The following HDAC9 variants were observed in gnomAD, a reference collection of about 807,000 sequenced individuals.
HDAC9 encodes MEF-2 interacting transcription repressor (MITR) protein.
HDAC9 carries 41 observed loss-of-function variants against 139.4 expected under a neutral mutation model. That is an observed-to-expected ratio of 0.29 (90% CI 0.23 to 0.38). The LOEUF is 0.38. Ranked by LOEUF, HDAC9 falls within the 10% of genes least tolerant of loss-of-function variation. HDAC9 has a pLI of 1.00. For missense variants in HDAC9, 1,147 were observed against 1,297.0 expected, an observed-to-expected ratio of 0.88 and a Z score of 1.78; for synonymous variants, 517 against 476.2, an observed-to-expected ratio of 1.09 and a Z score of -1.12.
At chr7:18,511,033 G>T (rs949674543) in intron 2 of HDAC9, among the ~76,000 whole-genome samples, 2 of 152,176 alleles carry the variant, frequency 1.3e-5, no homozygotes, top group Admixed American at 6.5e-5. Flanking sequence ...TACAGCATAG[G>T]TGTTGAACAC....
intron 6 of HDAC9, among the ~76,000 whole-genome samples, chr7:18,615,175 T>C (rs1438587401): frequency 6.6e-6 from 1 of 152,198 alleles, no homozygotes; most frequent in African/African-American, 2.4e-5. Context: ...ACTGGAATTG[T>C]ATCTCATACT....
chr7:18,888,343 T>G (rs1213245770), intron 22 of HDAC9, among the ~76,000 whole-genome samples: 5 of 152,150 alleles, frequency 3.3e-5, no homozygotes, highest in South Asian at 2.1e-4. Context: ...GAAAATGGCG[T>G]GAACCCGGGA....
At chr7:18,168,529 T>G (rs760772676) in intron 2 of HDAC9, among the ~76,000 whole-genome samples, 24 of 152,188 alleles carry the variant, frequency 1.6e-4, no homozygotes, top group Non-Finnish European at 2.9e-4. Flanking sequence ...CTGTATAGAT[T>G]GGAGTTTACT....
At chr7:18,423,917 A>G (rs550700860) in intron 1 of HDAC9, among the ~76,000 whole-genome samples, 10 of 152,352 alleles carry the variant, frequency 6.6e-5, no homozygotes, top group African/African-American at 2.4e-4. Context: ...GTTCACATTT[A>G]TAAGGAGGGA....
At chr7:18,657,511 C>T (rs549573902) in intron 11 of HDAC9, among the ~76,000 whole-genome samples, 2 of 152,196 alleles carry the variant, frequency 1.3e-5, no homozygotes, top group East Asian at 3.9e-4. Flanking sequence ...TATACTGTCA[C>T]CTGAAGGATC....
chr7:18,129,384 G>C (rs1374781087), intron 1 of HDAC9, among the ~76,000 whole-genome samples: 5 of 152,030 alleles, frequency 3.3e-5, no homozygotes, highest in Non-Finnish European at 1.5e-5. Context: ...ATTGAGAGAG[G>C]ACCTTGTTTT....
chr7:18,682,244 CAA>C (rs1282230717), intron 12 of HDAC9, among the ~76,000 whole-genome samples: 4 of 152,094 alleles, frequency 2.6e-5, no homozygotes, highest in South Asian at 2.1e-4. Flanking sequence ...CAATCAATAA[CAA>C]AGAGAACATT....
intron 1 of HDAC9, among the ~76,000 whole-genome samples, chr7:18,357,564 T>G (rs1481092874): frequency 6.6e-6 from 1 of 151,304 alleles, no homozygotes; most frequent in Non-Finnish European, 1.5e-5. Flanking sequence ...AAACAAAAAA[T>G]AACAATACAT....
chr7:18,885,570 TCA>T (rs1800079986), intron 22 of HDAC9, among the ~76,000 whole-genome samples: 1 of 152,196 alleles, frequency 6.6e-6, no homozygotes, highest in Admixed American at 6.5e-5. Flanking sequence ...TATGCTTAAG[TCA>T]CAGAGATGAA....
chr7:18,766,731 G>T (rs557912459), intron 15 of HDAC9, among the ~76,000 whole-genome samples: 30 of 152,242 alleles, frequency 2.0e-4, no homozygotes, highest in Non-Finnish European at 3.7e-4. Flanking sequence ...CCCATTGAAT[G>T]AATATACTCA....
chr7:18,878,009 A>G (rs1799449947), intron 22 of HDAC9, among the ~76,000 whole-genome samples: 1 of 152,070 alleles, frequency 6.6e-6, no homozygotes, highest in Non-Finnish European at 1.5e-5. Context: ...CCTGCCCTAA[A>G]CCCAGCATCA....
intron 2 of HDAC9, among the ~76,000 whole-genome samples, chr7:18,220,540 GAGA>G (rs910710230): frequency 4.6e-5 from 7 of 152,164 alleles, no homozygotes; most frequent in Admixed American, 6.5e-5. Context: ...AAGAGTAAGA[GAGA>G]AGGAGTGTCA....
chr7:18,116,443 A>G (rs990660388), intron 1 of HDAC9, among the ~76,000 whole-genome samples: 4 of 152,144 alleles, frequency 2.6e-5, no homozygotes, highest in African/African-American at 9.7e-5. Flanking sequence ...TATACTGTGA[A>G]TTATGATTGG....
chr7:18,769,620 T>G, intron 16 of HDAC9, among the ~76,000 whole-genome samples: 1 of 152,090 alleles, frequency 6.6e-6, no homozygotes, highest in East Asian at 1.9e-4. Context: ...GACTCAGTAT[T>G]TTTGTTTACA....
chr7:18,287,672 T>G (rs1269708625), upstream of HDAC9, among the ~76,000 whole-genome samples: 1 of 152,234 alleles, frequency 6.6e-6, no homozygotes, highest in African/African-American at 2.4e-5. Context: ...ATTCAGCGCA[T>G]TCCTGCCCTG....
intron 1 of HDAC9, among the ~76,000 whole-genome samples, chr7:18,134,097 G>A (rs554804428): frequency 6.6e-6 from 1 of 151,858 alleles, no homozygotes; most frequent in East Asian, 1.9e-4. Flanking sequence ...ACCATTGTGT[G>A]AATAACCTTG....
In HDAC9 at chr7:18,999,792, T is replaced by G. The variant is rs761893923; in HGVS notation, c.*3730T>G. Reference sequence around the variant, plus strand: ...TGTTTAGAAGAATTAATTTAAATATTTCTTACTATTTCTCTGTCGAATGTT... The same window carrying G: ...TGTTTAGAAGAATTAATTTAAATATGTCTTACTATTTCTCTGTCGAATGTT... On this transcript the variant is annotated 3_prime_UTR_variant, in exon 26 of 26. Transcript: ENST00000686413. 2.6e-5 allele frequency: 4 copies of G among 152,296 alleles called. No homozygotes were observed. In the East Asian group the frequency reaches 7.7e-4, roughly 29 times the overall value. The allele number at this position is 152,296 out of a possible 1,614,324, so 9.4% of individuals were successfully genotyped here.
chr7:18,162,898 G>C (rs1339307653), intron 2 of HDAC9, among the ~76,000 whole-genome samples: 1 of 152,064 alleles, frequency 6.6e-6, no homozygotes, highest in African/African-American at 2.4e-5. Context: ...GTAGTGCTGT[G>C]ATCAGCACAG....
At chr7:18,965,433 C>T (rs548486777) in intron 24 of HDAC9, among the ~76,000 whole-genome samples, 13 of 152,288 alleles carry the variant, frequency 8.5e-5, no homozygotes, top group African/African-American at 1.2e-4. Flanking sequence ...GTTTTCCTTA[C>T]GTCTGTTACA....
Sources: allele counts gnomAD v4.1 joint callset (sites outside exome capture counted in the v4.1 genomes callset), GRCh38; gene constraint gnomAD v4.1.1; transcripts MANE v1.5; gene names NCBI Gene and HGNC (gene_info 2026-07-23, HGNC 2026-07-21).